Variants in DNAAF9 observed in about 807,000 individuals in gnomAD.
DNAAF9 encodes the protein shulin.
In DNAAF9, 90 loss-of-function variants were observed where a neutral mutation model predicts 167.0. That is an observed-to-expected ratio of 0.54 (90% confidence interval 0.45 to 0.64). The LOEUF is 0.64. Among genes scored for constraint, DNAAF9 ranks in the 30% least tolerant of loss-of-function variants. DNAAF9 has a pLI of 0.00. For missense variants in DNAAF9, 1,315 were observed against 1,442.2 expected, an observed-to-expected ratio of 0.91 and a Z score of 1.43; for synonymous variants, 491 against 508.8, an observed-to-expected ratio of 0.96 and a Z score of 0.47.
At chr20:3,346,782 A>G (rs2070201737) in intron 8 of DNAAF9, among the ~76,000 whole-genome samples, 1 of 152,212 alleles carries the variant, frequency 6.6e-6, no homozygotes, top group Non-Finnish European at 1.5e-5. Flanking sequence ...ACTTCTGAGT[A>G]TACCTTGTGG....
At chr20:3,399,959 C>T (rs1432915151) in intron 1 of DNAAF9, among the ~76,000 whole-genome samples, 1 of 152,192 alleles carries the variant, frequency 6.6e-6, no homozygotes, top group African/African-American at 2.4e-5. Flanking sequence ...CAATTCATGT[C>T]TACACCTATT....
rs1006021826 is a variant in DNAAF9, at chr20:3,340,662, T to C, written c.846-23A>G. On this transcript the variant is annotated intron_variant, in intron 9 of 36. Coordinates refer to ENST00000252032, the MANE Select transcript of DNAAF9 (RefSeq NM_001009984.3). The stretch of plus-strand genomic sequence containing the variant: ...GGGCTAGAGAGGGAAGTCAAAAACA[T>C]GTGATTAGAAAAGAGTTCCTGGCCA... 1.1e-5 allele frequency: 18 copies of C among 1,612,708 alleles called. No individual in the cohort carries two copies. In the African/African-American group the frequency reaches 2.4e-4, roughly 22 times the overall value.
chr20:3,352,060 T>A (rs2070336028), intron 7 of DNAAF9, among the ~76,000 whole-genome samples: 1 of 152,122 alleles, frequency 6.6e-6, no homozygotes, highest in African/African-American at 2.4e-5. Context: ...CACCTGGCCA[T>A]CTATGTTATT....
intron 12 of DNAAF9, 149 bp from the exon 13 acceptor site, chr20:3,326,433 T>A (rs921607059): frequency 8.1e-6 from 5 of 616,418 alleles, no homozygotes; most frequent in East Asian, 5.6e-5. Flanking sequence ...CTAAACCTTT[T>A]AAAAGTCACA....
At chr20:3,308,491 C>T (rs1279238894) in intron 20 of DNAAF9, among the ~76,000 whole-genome samples, 2 of 151,648 alleles carry the variant, frequency 1.3e-5, no homozygotes, top group South Asian at 2.1e-4. Flanking sequence ...TACAGGCATG[C>T]GCCACCACGG....
Position 3,281,844 on chromosome 20 carries a change from T to C in DNAAF9, c.2487-78A>G. The C allele has an allele frequency of 9.5e-6, 14 of 1,469,718 alleles. No individual in the cohort carries two copies. In the Middle Eastern group the frequency reaches 8.8e-4, roughly 92 times the overall value. The allele number at this position is 1,469,718 out of a possible 1,614,324, so 91.0% of individuals were successfully genotyped here. A position where few individuals can be genotyped will look rare whatever the true frequency, so the allele number is the denominator to read the frequency against. On this transcript the variant is annotated intron_variant, in intron 27 of 36. Transcript: ENST00000252032. ...GAGGAAGAGGGGAATCCCGAATGGC[T>C]GATTGAACAAGGATGGAAAGAAAAC...
chr20:3,342,957 C>G (rs911045672), intron 9 of DNAAF9, among the ~76,000 whole-genome samples: 2 of 152,114 alleles, frequency 1.3e-5, no homozygotes, highest in Non-Finnish European at 2.9e-5. Flanking sequence ...AGCCCTCGGA[C>G]TATGCATATG....
chr20:3,285,301 CT>C (rs2068831317), intron 27 of DNAAF9, among the ~76,000 whole-genome samples: 1 of 152,114 alleles, frequency 6.6e-6, no homozygotes, highest in Non-Finnish European at 1.5e-5. Flanking sequence ...ACTCCCACCA[CT>C]TTGGGAGGCT....
chr20:3,367,545 C>T (rs1484518463), intron 6 of DNAAF9, among the ~76,000 whole-genome samples: 1 of 152,106 alleles, frequency 6.6e-6, no homozygotes, highest in Non-Finnish European at 1.5e-5. Flanking sequence ...TTCACTTGAA[C>T]CTTTATTGGC....
rs8114870 is a variant in DNAAF9 at position 3,282,875 on chromosome 20, C to T, written c.2487-1109G>A. On this transcript the variant is annotated intron_variant, in intron 27 of 36. Transcript: ENST00000252032. Reference sequence around the variant, plus strand: ...GACAGGCATCCTCTGACTTCATACACCCTGTGTGATCAAGCAACCCTCGCT... The same window carrying T: ...GACAGGCATCCTCTGACTTCATACATCCTGTGTGATCAAGCAACCCTCGCT... Among the ~76,000 whole-genome samples the T allele has an allele frequency of 9.0e-3, 1,373 of 152,322 alleles. 20 individuals carry two copies. Among genetic ancestry groups the T allele is most frequent in the African/African-American group, 0.032 (1,319 of 41,562 alleles).
intron 29 of DNAAF9, among the ~76,000 whole-genome samples, chr20:3,278,446 C>A (rs1179237370): frequency 6.6e-6 from 1 of 152,114 alleles, no homozygotes. Flanking sequence ...TCAGGCCAGG[C>A]GCCGTGGCTC....
At chr20:3,327,276 G>A (rs2069727680) in intron 12 of DNAAF9, among the ~76,000 whole-genome samples, 1 of 152,130 alleles carries the variant, frequency 6.6e-6, no homozygotes, top group Non-Finnish European at 1.5e-5. Flanking sequence ...ACCCCTGGCT[G>A]CTAACCAGCA....
intron 10 of DNAAF9, among the ~76,000 whole-genome samples, chr20:3,335,388 T>A (rs1448840649): frequency 6.6e-6 from 1 of 152,192 alleles, no homozygotes; most frequent in Non-Finnish European, 1.5e-5. Flanking sequence ...ACTCTTCTCT[T>A]TCAGCATTTG....
rs371600209 is a variant in DNAAF9 at position 3,326,221 on chromosome 20, A to G, written c.1164T>C (p.Tyr388=). Residue 388 remains tyrosine (Y), a synonymous_variant, in exon 13 of 37, where the codon TAT becomes TAC. Transcript: ENST00000252032. ...CCTTTGTTAGACTGGAAGTTTTAGCATAACATGCAATGCCAGCCAAAACAG... is the reference window on the plus strand; with the variant it reads ...CCTTTGTTAGACTGGAAGTTTTAGCGTAACATGCAATGCCAGCCAAAACAG... ...IEAVLAGIAC[Y]AKTSSLTKAK... is the part of the protein sequence containing the mutation. 1 of 1,611,988 alleles carries G rather than the reference A, an allele frequency of 6.2e-7. No homozygotes were observed. Among genetic ancestry groups the G allele is most frequent in the Non-Finnish European group, 8.5e-7 (1 of 1,178,146 alleles).
Position 3,269,050 on chromosome 20 carries a change from C to T in DNAAF9, c.2786+1377G>A, listed in dbSNP as rs148184803. Among the ~76,000 whole-genome samples, 647 of 151,702 alleles carry T rather than the reference C, an allele frequency of 4.3e-3. 6 individuals carry two copies. The highest frequency in any genetic ancestry group is 0.015 in the African/African-American group (622 of 41,398). ...TCCCAAGTAGCTGGGGCTACAGGTG[C>T]CTGCCACCACACCTGGCTAATTTCT... On this transcript the variant is annotated intron_variant, in intron 30 of 36. Transcript: ENST00000252032.
At position 3,371,029 on chromosome 20, in the gene DNAAF9, T is replaced by C. The variant is rs77302193; in HGVS notation, c.612+3019A>G. On this transcript the variant is annotated intron_variant, in intron 6 of 36. Transcript: ENST00000252032. ...CAATATCACCAATTTCCATTCTCTA[T>C]TCTCCACTTCATCATCTTCCTTCCC... Among the ~76,000 whole-genome samples the C allele has an allele frequency of 8.9e-3, 1,355 of 152,224 alleles. 19 individuals carry two copies. The highest frequency in any genetic ancestry group is 0.031 in the African/African-American group (1,302 of 41,534).
chr20:3,402,338 A>G (rs1328536759), intron 1 of DNAAF9, among the ~76,000 whole-genome samples: 2 of 152,094 alleles, frequency 1.3e-5, no homozygotes, highest in East Asian at 3.9e-4. Flanking sequence ...GAAAAGTTAA[A>G]TCTAGCTAAT....
At chr20:3,333,900 A>C (rs749031955) in intron 10 of DNAAF9, among the ~76,000 whole-genome samples, 1 of 152,210 alleles carries the variant, frequency 6.6e-6, no homozygotes, top group Admixed American at 6.5e-5. Flanking sequence ...CTCTCAGGAA[A>C]GAACTTTGGA....
intron 6 of DNAAF9, among the ~76,000 whole-genome samples, chr20:3,364,629 T>C (rs1269140346): frequency 6.6e-6 from 1 of 152,228 alleles, no homozygotes; most frequent in Non-Finnish European, 1.5e-5. Flanking sequence ...GGTTTCCTAG[T>C]ACATATAAAA....
Sources: allele counts gnomAD v4.1 joint callset (sites outside exome capture counted in the v4.1 genomes callset), GRCh38; gene constraint gnomAD v4.1.1; transcripts MANE v1.5; gene names NCBI Gene and HGNC (gene_info 2026-07-23, HGNC 2026-07-21).